TEK: variants seen among roughly 807,000 people sequenced by gnomAD.
TEK encodes the protein TEK receptor tyrosine kinase.
In TEK, 43 loss-of-function variants were observed where a neutral mutation model predicts 131.8. The ratio of observed to expected loss-of-function variants is 0.33; its 90% CI spans 0.26 to 0.42. TEK has a LOEUF of 0.42. Ranked by LOEUF, TEK falls within the 10% of genes least tolerant of loss-of-function variation. TEK has a pLI of 1.00. For synonymous variants in TEK, 580 were observed against 491.6 expected, an observed-to-expected ratio of 1.18 and a Z score of -2.38; for missense variants, 1,162 against 1,384.4, an observed-to-expected ratio of 0.84 and a Z score of 2.55.
At chr9:27,207,366 A>G (rs761206045) in intron 15 of TEK, among the ~76,000 whole-genome samples, 2 of 152,236 alleles carry the variant, frequency 1.3e-5, no homozygotes, top group Non-Finnish European at 2.9e-5. Context: ...TTTCTTGGGT[A>G]GCATATGAAA....
chr9:27,156,130 C>T (rs1033613969), intron 1 of TEK, among the ~76,000 whole-genome samples: 1 of 152,048 alleles, frequency 6.6e-6, no homozygotes, highest in Non-Finnish European at 1.5e-5. Context: ...CCTTATTATT[C>T]TAGAATTGGA....
At chr9:27,133,748 T>G (rs2131066874) in intron 1 of TEK, among the ~76,000 whole-genome samples, 1 of 152,312 alleles carries the variant, frequency 6.6e-6, no homozygotes, top group South Asian at 2.1e-4. Context: ...CTCTGGGATC[T>G]TTACCCCTAT....
intron 2 of TEK, among the ~76,000 whole-genome samples, chr9:27,165,577 G>A (rs1016042189): frequency 2.0e-5 from 3 of 152,138 alleles, no homozygotes; most frequent in African/African-American, 4.8e-5. Context: ...GAAGGATACC[G>A]ACCTCTTCTA....
At chr9:27,137,788 T>C (rs1822538011) in intron 1 of TEK, among the ~76,000 whole-genome samples, 1 of 152,204 alleles carries the variant, frequency 6.6e-6, no homozygotes, top group Non-Finnish European at 1.5e-5. Context: ...CTCATTTTTC[T>C]CTTTAGTTAG....
chr9:27,155,010 C>T (rs1823278675), intron 1 of TEK, among the ~76,000 whole-genome samples: 1 of 152,218 alleles, frequency 6.6e-6, no homozygotes, highest in African/African-American at 2.4e-5. Flanking sequence ...CGGCCACTGC[C>T]ACCGCTGGGA....
chr9:27,125,513 C>T (rs1821954710), intron 1 of TEK, among the ~76,000 whole-genome samples: 1 of 152,168 alleles, frequency 6.6e-6, no homozygotes, highest in Admixed American at 6.5e-5. Context: ...ATAACCCCTA[C>T]CAAGCCCATC....
At chr9:27,136,085 A>ATTTTATT (rs1554689023) in intron 1 of TEK, among the ~76,000 whole-genome samples, 5 of 137,022 alleles carry the variant, frequency 3.6e-5, no homozygotes, top group Non-Finnish European at 7.8e-5. Flanking sequence ...CAGGGCAGTT[A>ATTTTATT]TTTTTTTTTT....
At chr9:27,167,225 A>C (rs1459292766) in intron 2 of TEK, among the ~76,000 whole-genome samples, 1 of 147,666 alleles carries the variant, frequency 6.8e-6, no homozygotes, top group Non-Finnish European at 1.5e-5. Flanking sequence ...CAATTGGCTT[A>C]TTTTATTTTA....
At chr9:27,210,057 A>G (rs1022166890) in intron 16 of TEK, among the ~76,000 whole-genome samples, 1 of 152,244 alleles carries the variant, frequency 6.6e-6, no homozygotes, top group African/African-American at 2.4e-5. Context: ...AACAATAGAA[A>G]AGAGACTACT....
At chr9:27,204,829 CTG>C (rs1564096313) in intron 13 of TEK, 80 bp from the exon 14 acceptor site, 6 of 1,586,324 alleles carry the variant, frequency 3.8e-6, no homozygotes, top group Non-Finnish European at 5.2e-6. Context: ...TCCCATTACA[CTG>C]TGTCTTCTCC....
At chr9:27,219,735 G>GA (rs879461576) in intron 20 of TEK, among the ~76,000 whole-genome samples, 60,979 of 131,432 alleles carry the variant, frequency 0.46, 14,155 homozygotes, top group Middle Eastern at 0.57. Context: ...CAGAAAAAAA[G>GA]GTTAATCTTA....
At chr9:27,225,954 A>G (rs926286563) in intron 21 of TEK, among the ~76,000 whole-genome samples, 1 of 152,260 alleles carries the variant, frequency 6.6e-6, no homozygotes, top group African/African-American at 2.4e-5. Flanking sequence ...AAAAGAAGAT[A>G]TTTATGCAGA....
intron 18 of TEK, among the ~76,000 whole-genome samples, chr9:27,216,734 G>T (rs1825831777): frequency 6.6e-6 from 1 of 152,170 alleles, no homozygotes; most frequent in South Asian, 2.1e-4. Context: ...TCTAGGGCAG[G>T]GCTGGTCTCA....
intron 16 of TEK, among the ~76,000 whole-genome samples, chr9:27,209,662 A>T (rs1174563784): frequency 6.6e-6 from 1 of 152,230 alleles, no homozygotes; most frequent in Non-Finnish European, 1.5e-5. Flanking sequence ...GTGTAATATG[A>T]AAACTAAGGA....
In TEK at chr9:27,220,904, T is replaced by A. The variant is rs200805769; in HGVS notation, c.3200+759T>A. Reference sequence around the variant, plus strand: ...GCAGGAGTTTCTTTTCATACCCCAGTGGCACCTGGAACACCAGCAAGTAAG... The same window carrying A: ...GCAGGAGTTTCTTTTCATACCCCAGAGGCACCTGGAACACCAGCAAGTAAG... On this transcript the variant is annotated intron_variant, in intron 21 of 22. Coordinates refer to ENST00000380036, the MANE Select transcript of TEK (RefSeq NM_000459.5). Among the ~76,000 whole-genome samples the A allele has an allele frequency of 7.2e-5, 11 of 152,260 alleles. 1 individual carries two copies. In the East Asian group the frequency reaches 1.9e-3, roughly 27 times the overall value.
rs1405269661 is a variant in TEK, at chr9:27,169,565, G to A, written c.564G>A (p.Val188=). ...ATGCTCAGCCCCAGGATGCTGGAGT[G>A]TACTCGGCCAGGTATATAGGAGGAA... is the stretch of plus-strand genomic sequence containing the variant. ...LPHAQPQDAG[V]YSARYIGGNL... The change falls in exon 4 of 23, where the codon GTG becomes GTA. Residue 188 remains valine (V), a synonymous_variant. Transcript: ENST00000380036. 31 of 1,614,056 alleles carry A rather than the reference G, an allele frequency of 1.9e-5. No homozygotes were observed. Among genetic ancestry groups the A allele is most frequent in the Non-Finnish European group, 2.5e-5 (30 of 1,180,022 alleles).
intron 18 of TEK, among the ~76,000 whole-genome samples, chr9:27,213,832 A>G (rs1825720116): frequency 6.6e-6 from 1 of 152,222 alleles, no homozygotes. Flanking sequence ...AAGTGATTGA[A>G]TGTTCAAACC....
At chr9:27,199,652 T>C (rs1199713494) in intron 12 of TEK, among the ~76,000 whole-genome samples, 1 of 152,248 alleles carries the variant, frequency 6.6e-6, no homozygotes, top group Non-Finnish European at 1.5e-5. Flanking sequence ...GTCCTCTTTT[T>C]TGATATACTT....
Position 27,157,961 on chromosome 9 carries a change from T to C in TEK, c.183T>C (p.Phe61=). The C allele has an allele frequency of 1.2e-6, 2 of 1,614,102 alleles. No homozygotes were observed. Among genetic ancestry groups the C allele is most frequent in the Non-Finnish European group, 1.7e-6 (2 of 1,180,018 alleles). The part of the protein sequence containing the change: ...PHEPITIGRD[F]EALMNQHQDP... ...AGCCCATCACCATAGGAAGGGACTT[T>C]GAAGCCTTAATGAACCAGCACCAGG... is the stretch of plus-strand genomic sequence containing the variant. Residue 61 remains phenylalanine (F), a synonymous_variant, in exon 2 of 23, where the codon TTT becomes TTC. Transcript: ENST00000380036.
Sources: gnomAD v4.1 joint callset for allele counts (sites outside exome capture counted in the v4.1 genomes callset) on GRCh38, gnomAD v4.1.1 for gene constraint, MANE v1.5 for transcripts, NCBI Gene and HGNC (gene_info 2026-07-23, HGNC 2026-07-21) for gene names.